Variants in DENND3 observed in about 807,000 individuals in gnomAD.
DENND3 encodes the protein DENN domain-containing protein 3.
DENND3 carries 88 observed loss-of-function variants against 135.1 expected under a neutral mutation model. The observed-to-expected ratio is 0.65, with a 90% CI of 0.55 to 0.78. The LOEUF (loss-of-function observed/expected upper bound fraction) is 0.78. DENND3 is among the 30% of genes least tolerant of loss of function. The pLI, the probability that DENND3 is intolerant of heterozygous loss-of-function variation, is 0.00. For synonymous variants in DENND3, 693 were observed against 712.3 expected, an observed-to-expected ratio of 0.97 and a Z score of 0.43; for missense variants, 1,392 against 1,688.4, an observed-to-expected ratio of 0.82 and a Z score of 3.08.
At chr8:141,143,997 C>G in intron 4 of DENND3, 151 bp from the exon 5 acceptor site, 1 of 624,564 alleles carries the variant, frequency 1.6e-6, no homozygotes, top group African/African-American at 1.9e-5. Flanking sequence ...TCTGCTGTCA[C>G]CCAGCAGCTT....
chr8:141,185,073 AC>A, intron 17 of DENND3, 65 bp from the exon 18 acceptor site: 1 of 1,560,600 alleles, frequency 6.4e-7, no homozygotes, highest in South Asian at 1.2e-5. Context: ...GAGTAAGGGC[AC>A]CAGTCACCTG....
chr8:141,164,064 A>G (rs371667266), intron 10 of DENND3, among the ~76,000 whole-genome samples: 48 of 152,108 alleles, frequency 3.2e-4, no homozygotes, highest in African/African-American at 1.1e-3. Context: ...ATCCCTCCCC[A>G]GGTCCTGGCA....
intron 13 of DENND3, among the ~76,000 whole-genome samples, chr8:141,171,701 G>C (rs1821587203): frequency 6.6e-6 from 1 of 152,238 alleles, no homozygotes; most frequent in Non-Finnish European, 1.5e-5. Flanking sequence ...GGTCATAAGT[G>C]TGCAGTGTTG....
intron 10 of DENND3, among the ~76,000 whole-genome samples, chr8:141,164,632 G>A (rs968944436): frequency 6.6e-6 from 1 of 152,136 alleles, no homozygotes; most frequent in Non-Finnish European, 1.5e-5. Context: ...ATGCGGTTTC[G>A]CCCTATGACT....
chr8:141,185,358 CAGT>C lies in DENND3; in HGVS notation c.3084+83_3084+85del, dbSNP rs767561077. The C allele has an allele frequency of 3.8e-6, 6 of 1,572,718 alleles. No individual in the cohort carries two copies. The African/African-American group carries it at 5.4e-5, about 14-fold the overall frequency. Reference sequence around the variant, plus strand: ...CCCAAGTGTGTTCATCCATATTCGACAGTAGGATACAAGCTATTCCACAGCCTC... The same window carrying C: ...CCCAAGTGTGTTCATCCATATTCGACAGGATACAAGCTATTCCACAGCCTC... On this transcript the variant is annotated intron_variant, in intron 18 of 22. Transcript: ENST00000519811.
rs1436933306 is a variant in DENND3, at chr8:141,130,252, TAGAG to T, written c.102+1446_102+1449del. 6.6e-6 allele frequency among the ~76,000 whole-genome samples: 1 copy of T among 152,186 alleles called. No homozygotes were observed. Among genetic ancestry groups the T allele is most frequent in the East Asian group, 1.9e-4 (1 of 5,196 alleles). ...TTTATTATTATTATTATGTTAATAA[TAGAG>T]AGGAGGTCTCACTGTGTTGCCCAGA... is the stretch of plus-strand genomic sequence containing the variant. On this transcript the variant is annotated intron_variant, in intron 1 of 22. Transcript: ENST00000519811. The surrounding 1 kb of genome is among the most constrained non-coding windows in gnomAD (Gnocchi z 4.2).
chr8:141,166,367 A>G lies in DENND3; in HGVS notation c.1731A>G (p.Ala577=). 6.2e-7 allele frequency: 1 copy of G among 1,612,570 alleles called. No homozygotes were observed. Residue 577 remains alanine (A), a synonymous_variant, in exon 12 of 23, where the codon GCA becomes GCG. Transcript: ENST00000519811. The surrounding 1 kb of genome is among the most constrained non-coding windows in gnomAD (Gnocchi z 4.3). The part of the protein sequence containing the change: ...RNSSLRLTDT[A]GCRGSSAVLN... ...CCTCGCTCCGGCTGACGGACACCGCAGGCTGTAGGGGCAGCAGCGCAGGTG... is the reference window on the plus strand; with the variant it reads ...CCTCGCTCCGGCTGACGGACACCGCGGGCTGTAGGGGCAGCAGCGCAGGTG...
chr8:141,152,992 T>C (rs1818990301), intron 7 of DENND3, among the ~76,000 whole-genome samples: 1 of 152,152 alleles, frequency 6.6e-6, no homozygotes, highest in South Asian at 2.1e-4. Context: ...TTGATGTGCA[T>C]TTCCCTGGTG....
intron 10 of DENND3, among the ~76,000 whole-genome samples, chr8:141,164,374 G>T (rs1027420115): frequency 3.9e-5 from 6 of 152,272 alleles, no homozygotes; most frequent in African/African-American, 1.4e-4. Flanking sequence ...GAAGCTGCCT[G>T]AAGAGCCCCT....
rs1049100885 is a variant in DENND3 at position 141,138,901 on chromosome 8, G to A, written c.501+764G>A. Among the ~76,000 whole-genome samples, 3 of 152,190 alleles carry A rather than the reference G, an allele frequency of 2.0e-5. No individual in the cohort carries two copies. The highest frequency in any genetic ancestry group is 2.9e-5 in the Non-Finnish European group (2 of 68,042). On this transcript the variant is annotated intron_variant, in intron 3 of 22. Transcript: ENST00000519811. The surrounding 1 kb of genome is among the most constrained non-coding windows in gnomAD (Gnocchi z 4.8). ...TTTATTTCTCCGTGTATCCGTCGAT[G>A]GACCTGTGGGTTGTTTCCGCCTTTT...
Position 141,128,829 on chromosome 8 carries a change from A to T in DENND3, c.102+20A>T. ...GAGCAGGTGAGGGGCGGGGAAACTG[A>T]GGCGGACGTGGGCCACGAGTCGGCA... On this transcript the variant is annotated intron_variant, in intron 1 of 22. Coordinates refer to ENST00000519811, the MANE Select transcript of DENND3 (RefSeq NM_001352890.3). This position sits in a 1 kb window ranked among gnomAD's most constrained non-coding sequence, Gnocchi z 4.5. The T allele has an allele frequency of 7.3e-7, 1 of 1,370,586 alleles. No individual in the cohort carries two copies. The highest frequency in any genetic ancestry group is 1.6e-5 in the South Asian group (1 of 64,046). The allele number at this position is 1,370,586 out of a possible 1,614,324, so 84.9% of individuals were successfully genotyped here. A position where few individuals can be genotyped will look rare whatever the true frequency, so the allele number is the denominator to read the frequency against.
rs11986672 is a variant in DENND3, at chr8:141,148,449, C to T, written c.736-2385C>T. Reference sequence around the variant, plus strand: ...AGCGGGACTGATTTTACTTGCTTTGCAAATCTTTGGCTTAATTGGGTGTGC... The same window carrying T: ...AGCGGGACTGATTTTACTTGCTTTGTAAATCTTTGGCTTAATTGGGTGTGC... On this transcript the variant is annotated intron_variant, in intron 5 of 22. Coordinates refer to ENST00000519811, the MANE Select transcript of DENND3 (RefSeq NM_001352890.3). Among the ~76,000 whole-genome samples, 1,160 of 152,284 alleles carry T rather than the reference C, an allele frequency of 7.6e-3. 18 individuals carry two copies. The highest frequency in any genetic ancestry group is 0.027 in the African/African-American group (1,106 of 41,546).
In DENND3 at chr8:141,141,311, G is replaced by T; in HGVS notation, c.610G>T (p.Asp204Tyr). The T allele has an allele frequency of 1.2e-6, 2 of 1,613,644 alleles. No individual in the cohort carries two copies. The highest frequency in any genetic ancestry group is 1.1e-5 in the South Asian group (1 of 91,058). Residue 204 changes from aspartate (D) to tyrosine (Y), a missense_variant, in exon 4 of 23, where the codon GAC becomes TAC. Transcript: ENST00000519811. This position sits in a 1 kb window ranked among gnomAD's most constrained non-coding sequence, Gnocchi z 5.3. The part of the protein sequence containing the change: ...SRFPYYNSLK[D>Y]CLSCLLALLK... ...GTTTCCCTATTACAACTCCCTCAAG[G>T]ACTGCCTTTCCTGGTGAGCTGGGGC...
At chr8:141,192,881 T>G (rs755095409) in intron 22 of DENND3, 90 of 1,509,054 alleles carry the variant, frequency 6.0e-5, no homozygotes, top group Middle Eastern at 1.7e-4. Context: ...CCACAGCGCA[T>G]TCCCCCAAAC....
chr8:141,140,919 T>TA (rs1204134613), intron 3 of DENND3, among the ~76,000 whole-genome samples: 2 of 152,250 alleles, frequency 1.3e-5, no homozygotes, highest in Admixed American at 6.5e-5. Flanking sequence ...TCTTGGGTCT[T>TA]ACTGTGTTCT....
intron 13 of DENND3, among the ~76,000 whole-genome samples, chr8:141,171,036 G>A (rs1357890828): frequency 1.3e-5 from 2 of 152,194 alleles, no homozygotes; most frequent in African/African-American, 4.8e-5. Flanking sequence ...GCCCTGTCCA[G>A]CAGACCTGGC....
In DENND3 at chr8:141,165,274, A is replaced by G; in HGVS notation, c.1538A>G (p.Gln513Arg). The change falls in exon 11 of 23, where the codon CAG (glutamine) becomes CGG (arginine). Residue 513 changes from glutamine (Q) to arginine (R), a missense_variant. Coordinates refer to ENST00000519811, the MANE Select transcript of DENND3 (RefSeq NM_001352890.3). ...DAFAQMDLDTQSEEDRINGML... is the reference protein window; with the variant it reads ...DAFAQMDLDTRSEEDRINGML... ...TTTGCTCAGATGGACCTCGACACCCAGTCGGAGGAGGACAGGTGCTTCACT... is the reference window on the plus strand; with the variant it reads ...TTTGCTCAGATGGACCTCGACACCCGGTCGGAGGAGGACAGGTGCTTCACT... 1.2e-6 allele frequency: 2 copies of G among 1,614,076 alleles called. No homozygotes were observed. The highest frequency in any genetic ancestry group is 1.7e-6 in the Non-Finnish European group (2 of 1,179,908).
intron 1 of DENND3, among the ~76,000 whole-genome samples, chr8:141,134,572 C>T (rs1239275937): frequency 6.6e-6 from 1 of 152,092 alleles, no homozygotes; most frequent in Non-Finnish European, 1.5e-5. Context: ...CGCTCCCAGT[C>T]GGATTTCCCA....
In DENND3 at chr8:141,171,915, C is replaced by T. The variant is rs535566769; in HGVS notation, c.2276-3285C>T. Reference sequence around the variant, plus strand: ...ATGCACAGTGGGTGTGCACAGTGGCCGAGGGTGTGCATGGTGGTGGTGTGC... The same window carrying T: ...ATGCACAGTGGGTGTGCACAGTGGCTGAGGGTGTGCATGGTGGTGGTGTGC... On this transcript the variant is annotated intron_variant, in intron 13 of 22. Coordinates refer to ENST00000519811, the MANE Select transcript of DENND3 (RefSeq NM_001352890.3). 3.3e-3 allele frequency among the ~76,000 whole-genome samples: 454 copies of T among 136,844 alleles called. 2 individuals carry two copies. Among genetic ancestry groups the T allele is most frequent in the African/African-American group, 0.012 (440 of 35,772 alleles). The allele number at this position is 136,844 out of a possible 152,430, so 89.8% of individuals were successfully genotyped here.
Sources: allele counts gnomAD v4.1 joint callset (sites outside exome capture counted in the v4.1 genomes callset), GRCh38; gene constraint gnomAD v4.1.1; non-coding constraint Gnocchi (gnomAD v3.1); transcripts MANE v1.5; gene names NCBI Gene and HGNC (gene_info 2026-07-23, HGNC 2026-07-21).